Variants in MIER1 observed in about 807,000 individuals in gnomAD.
The protein encoded by MIER1 is MIER1 transcriptional regulator.
In MIER1, 40 loss-of-function variants were observed where a neutral mutation model predicts 75.7. The observed-to-expected ratio is 0.53, with a 90% CI of 0.41 to 0.69. MIER1 has a LOEUF of 0.69. MIER1 is among the 30% of genes least tolerant of loss of function. MIER1 has a pLI of 0.00. For synonymous variants in MIER1, 213 were observed against 223.4 expected (o/e 0.95, Z 0.42); for missense variants, 574 against 680.2 (o/e 0.84, Z 1.74).
intron 7 of MIER1, among the ~76,000 whole-genome samples, chr1:66,961,528 C>G (rs1325181176): frequency 6.6e-6 from 1 of 152,128 alleles, no homozygotes; most frequent in Admixed American, 6.5e-5. Context: ...ATGTTCAGAA[C>G]TGAACAGGAA....
intron 1 of MIER1, 120 bp downstream of exon 1, chr1:66,925,215 G>C: frequency 7.2e-7 from 1 of 1,394,648 alleles, no homozygotes; most frequent in South Asian, 1.7e-5. Context: ...GTACCGCCCG[G>C]AAGACCCTTA....
At chr1:66,950,707 C>A (rs1351303375) in intron 4 of MIER1, among the ~76,000 whole-genome samples, 1 of 44,438 alleles carries the variant, frequency 2.3e-5, no homozygotes, top group East Asian at 8.7e-4. Context: ...CGTATACACA[C>A]AAATTAATTA....
chr1:66,945,974 A>AT (rs1025467487), intron 3 of MIER1, among the ~76,000 whole-genome samples, 176 bp from the exon 4 acceptor site: 1 of 152,192 alleles, frequency 6.6e-6, no homozygotes, highest in African/African-American at 2.4e-5. Context: ...AGCTATAAAC[A>AT]TTTTCCTTCC....
chr1:66,982,275 A>G (rs1218343843), intron 13 of MIER1, among the ~76,000 whole-genome samples: 3 of 152,228 alleles, frequency 2.0e-5, no homozygotes, highest in Non-Finnish European at 4.4e-5. Context: ...TGAGATATAC[A>G]GATCATTGCA....
chr1:66,972,151 C>A lies in MIER1; in HGVS notation c.1006+415C>A, dbSNP rs140989284. ...TAATTCATCAGTAATGAAGCCATGA[C>A]TAAAATTTGGATTTTTCTTTTTTAT... is the stretch of plus-strand genomic sequence containing the variant. On this transcript the variant is annotated intron_variant, in intron 10 of 13. Coordinates refer to ENST00000401041, the MANE Select transcript of MIER1 (RefSeq NM_001077700.3). Among the ~76,000 whole-genome samples the A allele has an allele frequency of 5.9e-3, 880 of 149,792 alleles. 7 individuals are homozygous for A. The highest frequency in any genetic ancestry group is 0.02 in the African/African-American group (822 of 40,932).
intron 2 of MIER1, among the ~76,000 whole-genome samples, chr1:66,935,073 T>TA (rs1443011267): frequency 1.3e-5 from 2 of 152,192 alleles, no homozygotes; most frequent in Non-Finnish European, 2.9e-5. Flanking sequence ...TTGCCTGGAA[T>TA]AAAAAAATCT....
At chr1:66,955,547 C>A (rs910647207) in intron 4 of MIER1, among the ~76,000 whole-genome samples, 4 of 151,606 alleles carry the variant, frequency 2.6e-5, no homozygotes, top group African/African-American at 7.3e-5. Context: ...GAACGAAGTA[C>A]CATGATCTTG....
chr1:66,952,536 T>C (rs1659207471), intron 4 of MIER1, among the ~76,000 whole-genome samples: 1 of 152,202 alleles, frequency 6.6e-6, no homozygotes. Flanking sequence ...AAATGAAGAA[T>C]TTCATGTAAG....
chr1:66,946,061 C>T (rs41286728), intron 3 of MIER1, 89 bp from the exon 4 acceptor site: 26 of 1,235,310 alleles, frequency 2.1e-5, no homozygotes, highest in Non-Finnish European at 2.8e-5. Context: ...TTTTGACTTA[C>T]ATCCAGCATC....
intron 2 of MIER1, among the ~76,000 whole-genome samples, chr1:66,936,584 A>T (rs1216291234): frequency 4.6e-5 from 7 of 151,982 alleles, no homozygotes; most frequent in African/African-American, 7.3e-5. Context: ...TTAATGGTAG[A>T]TGTTGTGGGT....
chr1:66,925,489 T>G, intron 1 of MIER1: 2 of 985,436 alleles, frequency 2.0e-6, no homozygotes, highest in Non-Finnish European at 1.2e-6. Flanking sequence ...TTCCCTCACT[T>G]GTGTCCCATC....
At chr1:66,950,445 C>G (rs1444419504) in intron 4 of MIER1, among the ~76,000 whole-genome samples, 2 of 152,128 alleles carry the variant, frequency 1.3e-5, no homozygotes, top group Non-Finnish European at 2.9e-5. Context: ...TAGAAACACT[C>G]TAGTTTAACT....
intron 11 of MIER1, among the ~76,000 whole-genome samples, chr1:66,976,165 G>A (rs375485461): frequency 2.6e-5 from 4 of 151,772 alleles, no homozygotes; most frequent in South Asian, 2.1e-4. Flanking sequence ...CACCATGCCC[G>A]GCTAATTTTT....
At chr1:66,943,798 C>T (rs1294525848) in intron 3 of MIER1, among the ~76,000 whole-genome samples, 1 of 152,190 alleles carries the variant, frequency 6.6e-6, no homozygotes, top group Non-Finnish European at 1.5e-5. Context: ...CTTGCATTCA[C>T]TCGTCTTAGT....
chr1:66,935,007 G>C (rs1019898846), intron 2 of MIER1, among the ~76,000 whole-genome samples: 1 of 152,116 alleles, frequency 6.6e-6, no homozygotes, highest in Non-Finnish European at 1.5e-5. Flanking sequence ...TGGTAGAATT[G>C]TTTTGAGGGG....
intron 4 of MIER1, among the ~76,000 whole-genome samples, chr1:66,955,336 GTTTTTTTTTTTT>G (rs34006160): frequency 0.013 from 803 of 59,980 alleles, 16 homozygotes; most frequent in African/African-American, 0.052. Context: ...CATCACCTGA[GTTTTTTTTTTTT>G]TTTTTTTTTT....
chr1:66,985,324 C>G lies in MIER1; in HGVS notation c.*424C>G, dbSNP rs1225114581. On this transcript the variant is annotated 3_prime_UTR_variant, in exon 14 of 14. Transcript: ENST00000401041. ...CTCAAGTCCAAATTTCTGCTTAATA[C>G]CAATTTCTCTGAGTTTCTTGAAATG... 2.1e-5 allele frequency: 21 copies of G among 985,244 alleles called. No homozygotes were observed. The highest frequency in any genetic ancestry group is 2.5e-5 in the Non-Finnish European group (21 of 829,848). The allele number at this position is 985,244 out of a possible 1,614,324, so 61.0% of individuals were successfully genotyped here. A position where few individuals can be genotyped will look rare whatever the true frequency, so the allele number is the denominator to read the frequency against.
chr1:66,931,572 G>C (rs115235296), intron 2 of MIER1, among the ~76,000 whole-genome samples: 1 of 152,080 alleles, frequency 6.6e-6, no homozygotes, highest in Non-Finnish European at 1.5e-5. Context: ...TTTGCTGCGA[G>C]TATTCTTTTT....
At chr1:66,967,362 T>C (rs1402800303) in intron 8 of MIER1, among the ~76,000 whole-genome samples, 1 of 152,188 alleles carries the variant, frequency 6.6e-6, no homozygotes, top group Non-Finnish European at 1.5e-5. Context: ...GTATGTCTTA[T>C]TTTTATGCCA....
Sources: gnomAD v4.1 joint callset for allele counts (sites outside exome capture counted in the v4.1 genomes callset) on GRCh38, gnomAD v4.1.1 for gene constraint, MANE v1.5 for transcripts, NCBI Gene and HGNC (gene_info 2026-07-23, HGNC 2026-07-21) for gene names.